The following CATSPERB variants were observed in gnomAD, a reference collection of about 807,000 sequenced individuals.
CATSPERB encodes the protein catsper channel auxiliary subunit beta.
A neutral mutation model predicts 128.3 loss-of-function variants in CATSPERB; 93 were observed. That is an observed-to-expected ratio of 0.72 (90% CI 0.61 to 0.86). CATSPERB has a LOEUF of 0.86. CATSPERB is among the 40% of genes least tolerant of loss of function. The probability of loss-of-function intolerance (pLI) is 0.00; values close to 1 mark genes in which losing one functional copy is unlikely to be tolerated. For synonymous variants in CATSPERB, 381 were observed against 448.8 expected, an observed-to-expected ratio of 0.85 and a Z score of 1.91; for missense variants, 1,153 against 1,329.5, an observed-to-expected ratio of 0.87 and a Z score of 2.06.
chr14:91,672,107 G>T (rs1250944498), intron 13 of CATSPERB, among the ~76,000 whole-genome samples: 2 of 152,058 alleles, frequency 1.3e-5, no homozygotes, highest in East Asian at 3.8e-4. Context: ...TTTCCCATGT[G>T]TGCACACTGC....
chr14:91,603,017 G>T (rs1183946695), intron 22 of CATSPERB, among the ~76,000 whole-genome samples: 1 of 151,956 alleles, frequency 6.6e-6, no homozygotes, highest in East Asian at 1.9e-4. Context: ...CACATCTGCA[G>T]TATTAGTGAG....
intron 6 of CATSPERB, among the ~76,000 whole-genome samples, chr14:91,705,091 A>C (rs916140593): frequency 4.6e-5 from 7 of 152,180 alleles, no homozygotes; most frequent in African/African-American, 1.7e-4. Flanking sequence ...ATCCCACTGA[A>C]ATAGCAGTAG....
At chr14:91,683,332 C>A (rs1158067380) in intron 11 of CATSPERB, among the ~76,000 whole-genome samples, 2 of 152,188 alleles carry the variant, frequency 1.3e-5, no homozygotes, top group Non-Finnish European at 2.9e-5. Flanking sequence ...TCGACTATGC[C>A]ACCCACTTTC....
At chr14:91,671,590 C>CA (rs1249870254) in intron 13 of CATSPERB, among the ~76,000 whole-genome samples, 1 of 139,950 alleles carries the variant, frequency 7.1e-6, no homozygotes, top group Admixed American at 7.0e-5. Context: ...GACCCCATCT[C>CA]AAAAAAACCC....
chr14:91,715,884 A>G (rs1895929764), intron 5 of CATSPERB, among the ~76,000 whole-genome samples: 1 of 152,206 alleles, frequency 6.6e-6, no homozygotes, highest in Non-Finnish European at 1.5e-5. Flanking sequence ...GGGTATCCAT[A>G]TTCCAAAAAA....
chr14:91,671,023 A>G (rs544089625), intron 13 of CATSPERB, among the ~76,000 whole-genome samples: 1 of 152,274 alleles, frequency 6.6e-6, no homozygotes, highest in Non-Finnish European at 1.5e-5. Flanking sequence ...CCACTTTTAT[A>G]TAAGGATAAT....
chr14:91,726,481 TG>T (rs1896122487), intron 2 of CATSPERB, among the ~76,000 whole-genome samples: 1 of 152,200 alleles, frequency 6.6e-6, no homozygotes, highest in Non-Finnish European at 1.5e-5. Flanking sequence ...CAAAATTTAC[TG>T]GGGCAAAAGA....
At chr14:91,641,323 C>CA (rs1372288189) in intron 15 of CATSPERB, among the ~76,000 whole-genome samples, 1 of 147,848 alleles carries the variant, frequency 6.8e-6, no homozygotes, top group Non-Finnish European at 1.5e-5. Context: ...TGCCTATGTC[C>CA]TGAATGGTAA....
In CATSPERB at chr14:91,723,042, T is replaced by C. The variant is rs1398528545; in HGVS notation, c.309+7A>G. The C allele has an allele frequency of 6.7e-7, 1 of 1,499,440 alleles. No homozygotes were observed. The highest frequency in any genetic ancestry group is 1.4e-5 in the South Asian group (1 of 69,066). 92.9% of individuals were successfully genotyped at this position (1,499,440 alleles called of 1,614,324 possible). The stretch of plus-strand genomic sequence containing the variant: ...ACATATCACAGAGTAAGATAAAATG[T>C]AATTACCAACGTTAAATTAAAGTGG... On this transcript the variant is annotated splice_region_variant and intron_variant, in intron 4 of 26. Transcript: ENST00000256343.
chr14:91,582,415 T>C (rs184816204), intron 26 of CATSPERB, among the ~76,000 whole-genome samples: 8 of 152,322 alleles, frequency 5.3e-5, no homozygotes, highest in Non-Finnish European at 1.0e-4. Flanking sequence ...TTTATGCTTT[T>C]GATTGTGACA....
At position 91,717,063 on chromosome 14, in the gene CATSPERB, G is replaced by T. The variant is rs112173526; in HGVS notation, c.370+2355C>A. ...AACACTACCCAACAAGAACACTAGA[G>T]AGACTATAACATAGACAAATCTCCA... On this transcript the variant is annotated intron_variant, in intron 5 of 26. Transcript: ENST00000256343. Among the ~76,000 whole-genome samples, 204 of 152,244 alleles carry T rather than the reference G, an allele frequency of 1.3e-3. 1 individual carries two copies. Among genetic ancestry groups the T allele is most frequent in the African/African-American group, 4.8e-3 (198 of 41,558 alleles).
intron 9 of CATSPERB, 135 bp downstream of exon 9, chr14:91,692,991 T>C (rs746636999): frequency 2.6e-5 from 17 of 657,386 alleles, no homozygotes; most frequent in African/African-American, 2.2e-4. Context: ...TACTGTATTA[T>C]GCCTTTATGT....
chr14:91,716,824 C>A (rs1041258856), intron 5 of CATSPERB, among the ~76,000 whole-genome samples: 5 of 151,970 alleles, frequency 3.3e-5, no homozygotes, highest in African/African-American at 1.2e-4. Context: ...GATAAAGCCA[C>A]TTTGGGAAAT....
intron 2 of CATSPERB, among the ~76,000 whole-genome samples, chr14:91,728,322 C>T (rs951958139): frequency 6.6e-5 from 10 of 152,020 alleles, no homozygotes; most frequent in African/African-American, 1.9e-4. Context: ...GCCATGTTGC[C>T]CAGGCTGGTC....
In CATSPERB at chr14:91,580,848, A is replaced by T; in HGVS notation, c.*41T>A. On this transcript the variant is annotated 3_prime_UTR_variant, in exon 27 of 27. Coordinates refer to ENST00000256343, the MANE Select transcript of CATSPERB (RefSeq NM_024764.4). ...AATATATTGTTCTAGGAATTGGCTG[A>T]TAAAACTAGAAAATAAAGAGAAATT... 6.6e-7 allele frequency: 1 copy of T among 1,507,326 alleles called. No homozygotes were observed. Among genetic ancestry groups the T allele is most frequent in the Non-Finnish European group, 9.2e-7 (1 of 1,089,470 alleles). The allele number at this position is 1,507,326 out of a possible 1,614,324, so 93.4% of individuals were successfully genotyped here.
At chr14:91,665,158 G>A (rs887914658) in intron 14 of CATSPERB, among the ~76,000 whole-genome samples, 2 of 152,224 alleles carry the variant, frequency 1.3e-5, no homozygotes, top group African/African-American at 4.8e-5. Context: ...ATCCCAAAGT[G>A]CTGGGATTAC....
chr14:91,726,711 G>C (rs1027045176), intron 2 of CATSPERB, among the ~76,000 whole-genome samples: 9 of 152,186 alleles, frequency 5.9e-5, no homozygotes, highest in African/African-American at 2.2e-4. Context: ...AGTAATGTGA[G>C]GGAGGGGAAG....
chr14:91,652,900 T>C (rs927331800), intron 15 of CATSPERB, among the ~76,000 whole-genome samples: 2 of 152,150 alleles, frequency 1.3e-5, no homozygotes, highest in Non-Finnish European at 2.9e-5. Context: ...ATCTTGATAC[T>C]GACATAAGTT....
At chr14:91,631,245 A>G (rs1250572170) in intron 17 of CATSPERB, among the ~76,000 whole-genome samples, 1 of 152,236 alleles carries the variant, frequency 6.6e-6, no homozygotes, top group Non-Finnish European at 1.5e-5. Flanking sequence ...CTTGATATGT[A>G]ATAGGCACTC....
Sources: gnomAD v4.1 joint callset for allele counts (sites outside exome capture counted in the v4.1 genomes callset) on GRCh38, gnomAD v4.1.1 for gene constraint, MANE v1.5 for transcripts, NCBI Gene and HGNC (gene_info 2026-07-23, HGNC 2026-07-21) for gene names.